TOGARAM2: variants seen among roughly 807,000 people sequenced by gnomAD.
The protein encoded by TOGARAM2 is TOG array regulator of axonemal microtubules protein 2.
Under a neutral mutation model 93.3 loss-of-function variants are expected in TOGARAM2, and 85 were observed. The ratio of observed to expected loss-of-function variants is 0.91; its 90% confidence interval spans 0.76 to 1.09. TOGARAM2 has a LOEUF of 1.09. Ranked by LOEUF, TOGARAM2 falls within the 50% of genes least tolerant of loss-of-function variation. TOGARAM2 has a pLI of 0.00. For missense variants in TOGARAM2, 1,277 were observed against 1,334.5 expected, an observed-to-expected ratio of 0.96 and a Z score of 0.67; for synonymous variants, 593 against 552.8, an observed-to-expected ratio of 1.07 and a Z score of -1.02.
At chr2:28,970,801 T>C (rs1671939093) in intron 1 of TOGARAM2, 1 of 152,218 alleles carries the variant, frequency 6.6e-6, no homozygotes, top group African/African-American at 2.4e-5. Context: ...ACTCTTTCTA[T>C]TCATTTGGCT....
intron 1 of TOGARAM2, among the ~76,000 whole-genome samples, chr2:28,970,438 C>T (rs1394400263): frequency 6.6e-6 from 1 of 152,138 alleles, no homozygotes; most frequent in African/African-American, 2.4e-5. Flanking sequence ...ATATATAAAG[C>T]GCTTAGACTG....
rs545970643 is a variant in TOGARAM2 at position 29,004,171 on chromosome 2, C to T, written c.830+489C>T. ...CTAATTTTTGTATTTTTAGTAGAGA[C>T]GGGTTTCAGCATGTTGGCCAGGCTG... On this transcript the variant is annotated intron_variant, in intron 6 of 19. Transcript: ENST00000379558. 3.9e-5 allele frequency among the ~76,000 whole-genome samples: 6 copies of T among 152,158 alleles called. No homozygotes were observed. The East Asian group carries it at 5.8e-4, about 15-fold the overall frequency.
chr2:29,033,473 T>C lies in TOGARAM2; in HGVS notation c.2135T>C (p.Ile712Thr), dbSNP rs367654688. 6.2e-7 allele frequency: 1 copy of C among 1,612,708 alleles called. No homozygotes were observed. Among genetic ancestry groups the C allele is most frequent in the African/African-American group, 1.3e-5 (1 of 74,908 alleles). Residue 712 changes from isoleucine to threonine, a missense_variant, in exon 16 of 20, where the codon ATA (isoleucine) becomes ACA (threonine). Coordinates refer to ENST00000379558, the MANE Select transcript of TOGARAM2 (RefSeq NM_199280.4). ...CTCTGTGTGTATTTTTTCAAGGGAA[T>C]AGAAGATAATGATGAACTTCCCTCT... Reference protein sequence around the residue: ...KVMAAIKQQGIEDNDELPSAK... With the variant: ...KVMAAIKQQGTEDNDELPSAK...
At chr2:28,971,938 AT>A (rs1180404249) in intron 1 of TOGARAM2, among the ~76,000 whole-genome samples, 1 of 152,210 alleles carries the variant, frequency 6.6e-6, no homozygotes, top group Non-Finnish European at 1.5e-5. Flanking sequence ...CTTAAGAGAT[AT>A]TTTATGAACC....
At position 29,032,948 on chromosome 2, in the gene TOGARAM2, A is replaced by G. The variant is rs1232384763; in HGVS notation, c.2027A>G (p.Lys676Arg). The G allele has an allele frequency of 3.1e-6, 5 of 1,613,688 alleles. No homozygotes were observed. Among genetic ancestry groups the G allele is most frequent in the Non-Finnish European group, 3.4e-6 (4 of 1,179,774 alleles). ...SNQDTRFYGR[K>R]MVNILMANTK... ...TCCTGTGGCAGATTTTATGGCCGGAAGATGGTGAATATCTTGATGGCGAAC... is the reference window on the plus strand; with the variant it reads ...TCCTGTGGCAGATTTTATGGCCGGAGGATGGTGAATATCTTGATGGCGAAC... The change falls in exon 15 of 20, where the codon AAG (lysine) becomes AGG (arginine). Residue 676 changes from lysine (K) to arginine (R), a missense_variant. Lys to Arg is a conservative substitution (Grantham distance 26). Coordinates refer to ENST00000379558, the MANE Select transcript of TOGARAM2 (RefSeq NM_199280.4).
rs776560164 is a variant in TOGARAM2 at position 29,024,256 on chromosome 2, C to T, written c.1735C>T (p.Gln579Ter). 6.2e-7 allele frequency: 1 copy of T among 1,612,718 alleles called. No homozygotes were observed. The highest frequency in any genetic ancestry group is 8.5e-7 in the Non-Finnish European group (1 of 1,179,356). ...EAEEIARCLL[Q>*]KMADTNEFIQ... ...CGAGGAGATCGCCCGCTGCTTGCTG[C>T]AGAAGATGGCGGACACCAACGAGTT... Residue 579 changes from glutamine to a stop codon, truncating the protein, a stop_gained, in exon 13 of 20, where the codon CAG (glutamine) becomes TAG (stop). Transcript: ENST00000379558. LOFTEE classifies it high-confidence loss of function.
chr2:29,025,208 T>A (rs889442554), intron 13 of TOGARAM2, among the ~76,000 whole-genome samples: 5 of 152,162 alleles, frequency 3.3e-5, no homozygotes, highest in African/African-American at 2.4e-5. Context: ...GATTGTCACT[T>A]CACTTCTCTG....
intron 1 of TOGARAM2, among the ~76,000 whole-genome samples, chr2:28,969,739 C>T (rs1671917709): frequency 6.6e-6 from 1 of 151,904 alleles, no homozygotes; most frequent in Admixed American, 6.6e-5. Context: ...ACTGCTCTGA[C>T]ACACAATAGA....
Position 29,036,698 on chromosome 2 carries a change from A to G in TOGARAM2, c.2576A>G (p.Lys859Arg). The G allele has an allele frequency of 6.2e-7, 1 of 1,613,962 alleles. No individual in the cohort carries two copies. Among genetic ancestry groups the G allele is most frequent in the Non-Finnish European group, 8.5e-7 (1 of 1,179,878 alleles). ...ACTGTTGCAGACAACCTCAACTCCAAGAACTCAGGGATTTACGCTGCTGCC... is the reference window on the plus strand; with the variant it reads ...ACTGTTGCAGACAACCTCAACTCCAGGAACTCAGGGATTTACGCTGCTGCC... ...IITVADNLNS[K>R]NSGIYAAAVA... The change falls in exon 18 of 20, where the codon AAG (lysine) becomes AGG (arginine). Residue 859 changes from lysine to arginine, a missense_variant. Physicochemically the swap from Lys to Arg is conservative, Grantham distance 26. Coordinates refer to ENST00000379558, the MANE Select transcript of TOGARAM2 (RefSeq NM_199280.4).
intron 6 of TOGARAM2, among the ~76,000 whole-genome samples, chr2:29,006,444 A>G (rs1052354452): frequency 4.5e-4 from 64 of 143,546 alleles, no homozygotes; most frequent in Non-Finnish European, 7.5e-4. Context: ...ATGTGTGTGC[A>G]TGTGTATCTG....
At position 29,005,564 on chromosome 2, in the gene TOGARAM2, T is replaced by C. The variant is rs1203237944; in HGVS notation, c.830+1882T>C. On this transcript the variant is annotated intron_variant, in intron 6 of 19. Coordinates refer to ENST00000379558, the MANE Select transcript of TOGARAM2 (RefSeq NM_199280.4). ...TGTGTGTTCATGTGTGTGGAGTGTG[T>C]GTGCATGTGTGTATGTGTGTGAGGG... 2.0e-5 allele frequency among the ~76,000 whole-genome samples: 3 copies of C among 146,892 alleles called. No homozygotes were observed. In the East Asian group the frequency reaches 6.1e-4, roughly 30 times the overall value.
chr2:28,972,844 A>G (rs961747159), intron 1 of TOGARAM2, among the ~76,000 whole-genome samples: 10 of 152,208 alleles, frequency 6.6e-5, no homozygotes, highest in African/African-American at 2.4e-4. Context: ...CCTGCTTCCT[A>G]TGAAACATCC....
Position 29,035,519 on chromosome 2 carries a change from G to T in TOGARAM2, c.2281G>T (p.Gly761Trp). The T allele has an allele frequency of 1.9e-6, 3 of 1,559,966 alleles. No homozygotes were observed. The highest frequency in any genetic ancestry group is 2.4e-5 in the East Asian group (1 of 42,494). The change falls in exon 17 of 20, where the codon GGG becomes TGG. Residue 761 changes from glycine to tryptophan, a missense_variant. Transcript: ENST00000379558. ...GCTGCGCTCCACACTGCAGGGCCGC[G>T]GGGAGATGGTGGAGCAGCTACGGGA... ...VGLRSTLQGR[G>W]EMVEQLRELT...
chr2:29,033,490 C>G lies in TOGARAM2; in HGVS notation c.2152C>G (p.Leu718Val). ...CAAGGGAATAGAAGATAATGATGAA[C>G]TTCCCTCTGCCAAAGGCCGCAAGGT... ...KQQGIEDNDELPSAKGRKVLR... is the reference protein window; with the variant it reads ...KQQGIEDNDEVPSAKGRKVLR... The change falls in exon 16 of 20, where the codon CTT becomes GTT. Residue 718 changes from leucine to valine, a missense_variant. Coordinates refer to ENST00000379558, the MANE Select transcript of TOGARAM2 (RefSeq NM_199280.4). The G allele has an allele frequency of 1.2e-6, 2 of 1,613,566 alleles. No individual in the cohort carries two copies. The highest frequency in any genetic ancestry group is 1.7e-6 in the Non-Finnish European group (2 of 1,179,762).
At chr2:28,986,243 G>C (rs1365072038) in intron 1 of TOGARAM2, among the ~76,000 whole-genome samples, 2 of 151,672 alleles carry the variant, frequency 1.3e-5, no homozygotes, top group East Asian at 3.9e-4. Flanking sequence ...TTCAAAAACA[G>C]CCTAAATAAA....
chr2:29,009,622 T>G (rs535729679), intron 6 of TOGARAM2, among the ~76,000 whole-genome samples: 3 of 152,064 alleles, frequency 2.0e-5, no homozygotes, highest in African/African-American at 7.2e-5. Context: ...GTTCCTGGCT[T>G]CAGCCACTGG....
At chr2:29,044,514 C>T (rs186289271) in intron 18 of TOGARAM2, among the ~76,000 whole-genome samples, 2 of 152,254 alleles carry the variant, frequency 1.3e-5, no homozygotes, top group Admixed American at 1.3e-4. Flanking sequence ...TCGGGACTGA[C>T]AGTGCTGAAA....
At chr2:29,045,836 G>T (rs914448101) in intron 19 of TOGARAM2, 1 of 260,694 alleles carries the variant, frequency 3.8e-6, no homozygotes, top group African/African-American at 2.3e-5. Flanking sequence ...AGTACTTCTG[G>T]TACCAAACAT....
chr2:29,004,620 G>C (rs1304706909), intron 6 of TOGARAM2, among the ~76,000 whole-genome samples: 8 of 116,664 alleles, frequency 6.9e-5, no homozygotes, highest in Non-Finnish European at 1.4e-4. Context: ...ATGAGTGCCT[G>C]CAGGTATGTG....
Sources: gnomAD v4.1 joint callset for allele counts (sites outside exome capture counted in the v4.1 genomes callset) on GRCh38, gnomAD v4.1.1 for gene constraint, MANE v1.5 for transcripts, NCBI Gene and HGNC (gene_info 2026-07-23, HGNC 2026-07-21) for gene names.